TXNL1: variants seen among roughly 807,000 people sequenced by gnomAD.
TXNL1 encodes thioredoxin-like protein 1.
In TXNL1, 14 loss-of-function variants were observed where a neutral mutation model predicts 35.5. The observed-to-expected ratio is 0.39, with a 90% CI of 0.26 to 0.62. The LOEUF is 0.62. Among genes scored for constraint, TXNL1 ranks in the 20% least tolerant of loss-of-function variants. The pLI, the probability that TXNL1 is intolerant of heterozygous loss-of-function variation, is 0.47. For missense variants in TXNL1, 263 were observed against 349.7 expected, an observed-to-expected ratio of 0.75 and a Z score of 1.98; for synonymous variants, 110 against 115.5, an observed-to-expected ratio of 0.95 and a Z score of 0.31.
rs530331762 is a variant in TXNL1, at chr18:56,600,068, T to C, written c.*2959A>G. On this transcript the variant is annotated 3_prime_UTR_variant, in exon 8 of 8. Coordinates refer to ENST00000217515, the MANE Select transcript of TXNL1 (RefSeq NM_004786.3). ...AATTTATTCAACTCCAACACTTTATTCTTATTACAGAATCAAAGCTTTTAG... is the reference window on the plus strand; with the variant it reads ...AATTTATTCAACTCCAACACTTTATCCTTATTACAGAATCAAAGCTTTTAG... 1 of 152,332 alleles carries C rather than the reference T, an allele frequency of 6.6e-6. No homozygotes were observed. The highest frequency in any genetic ancestry group is 2.4e-5 in the African/African-American group (1 of 41,582). The allele number at this position is 152,332 out of a possible 1,614,324, so 9.4% of individuals were successfully genotyped here.
Position 56,600,115 on chromosome 18 carries a change from G to T in TXNL1, c.*2912C>A, listed in dbSNP as rs548870526. The T allele has an allele frequency of 6.6e-6, 1 of 152,154 alleles. No homozygotes were observed. Among genetic ancestry groups the T allele is most frequent in the African/African-American group, 2.4e-5 (1 of 41,438 alleles). 9.4% of individuals were successfully genotyped at this position (152,154 alleles called of 1,614,324 possible). A position where few individuals can be genotyped will look rare whatever the true frequency, so the allele number is the denominator to read the frequency against. ...TTAGACATTAAGAGGAACAAGGGAG[G>T]ATCTGAACTATTTTAGGTTTAAAAG... On this transcript the variant is annotated 3_prime_UTR_variant, in exon 8 of 8. Transcript: ENST00000217515.
rs1598928710 is a variant in TXNL1, at chr18:56,638,550, A to G, written c.-110T>C. ...TGCTCAGGAAGGCCGAGGCCTGGAC[A>G]GAAGAGGTGGCGACCGCCGAGTCTT... On this transcript the variant is annotated 5_prime_UTR_variant, in exon 1 of 8. Transcript: ENST00000217515. The G allele has an allele frequency of 1.7e-6, 2 of 1,152,030 alleles. No homozygotes were observed. The highest frequency in any genetic ancestry group is 2.4e-6 in the Non-Finnish European group (2 of 837,452). The allele number at this position is 1,152,030 out of a possible 1,614,324, so 71.4% of individuals were successfully genotyped here.
intron 5 of TXNL1, among the ~76,000 whole-genome samples, chr18:56,615,741 A>C (rs1470987523): frequency 2.0e-5 from 3 of 152,244 alleles, no homozygotes; most frequent in Non-Finnish European, 4.4e-5. Flanking sequence ...ACAAATTTTA[A>C]AATGAAAAAG....
intron 1 of TXNL1, among the ~76,000 whole-genome samples, chr18:56,627,867 A>G (rs2024310883): frequency 6.6e-6 from 1 of 152,140 alleles, no homozygotes; most frequent in Non-Finnish European, 1.5e-5. Context: ...TAAAAAAAAA[A>G]AAAGGTTTGA....
At chr18:56,627,056 T>C (rs1021009327) in intron 1 of TXNL1, among the ~76,000 whole-genome samples, 42 of 150,896 alleles carry the variant, frequency 2.8e-4, no homozygotes, top group African/African-American at 1.0e-3. Flanking sequence ...CAAGTGATCC[T>C]CCTGCCTTGG....
At chr18:56,632,215 A>C (rs780894306) in intron 1 of TXNL1, among the ~76,000 whole-genome samples, 50 of 152,216 alleles carry the variant, frequency 3.3e-4, no homozygotes, top group Non-Finnish European at 5.9e-4. Context: ...TAAGTGTCTT[A>C]TCTTGAGCAA....
chr18:56,623,908 C>T (rs1385422792), intron 3 of TXNL1, among the ~76,000 whole-genome samples: 2 of 150,806 alleles, frequency 1.3e-5, no homozygotes, highest in Non-Finnish European at 2.9e-5. Flanking sequence ...TAACTAAAAC[C>T]TGTAAGTCAT....
chr18:56,618,433 C>A (rs538818879), intron 3 of TXNL1, among the ~76,000 whole-genome samples: 23 of 152,090 alleles, frequency 1.5e-4, no homozygotes, highest in African/African-American at 4.8e-4. Context: ...TTAAAATATC[C>A]GTAAGATCCA....
In TXNL1 at chr18:56,610,167, G is replaced by A. The variant is rs1224082170; in HGVS notation, c.840+826C>T. 2.0e-5 allele frequency: 3 copies of A among 152,326 alleles called. No homozygotes were observed. The East Asian group carries it at 5.8e-4, about 29-fold the overall frequency. The allele number at this position is 152,326 out of a possible 1,614,324, so 9.4% of individuals were successfully genotyped here. On this transcript the variant is annotated intron_variant, in intron 7 of 7. Coordinates refer to ENST00000217515, the MANE Select transcript of TXNL1 (RefSeq NM_004786.3). ...TCCTCAAGTTCTAGACTGCCTGCCA[G>A]ATGCAATCATTAGAGACAGTGGGAT...
chr18:56,625,348 T>C (rs1415929787), intron 2 of TXNL1, among the ~76,000 whole-genome samples: 3 of 152,146 alleles, frequency 2.0e-5, no homozygotes, highest in Non-Finnish European at 4.4e-5. Context: ...TCAAGTTTAA[T>C]ATTACAGGAA....
At chr18:56,613,839 A>C (rs183576157) in intron 6 of TXNL1, among the ~76,000 whole-genome samples, 118 of 152,156 alleles carry the variant, frequency 7.8e-4, no homozygotes, top group Admixed American at 9.8e-4. Context: ...GATATACCTT[A>C]GGTCATCTTA....
chr18:56,621,817 T>G (rs929218658), intron 3 of TXNL1, among the ~76,000 whole-genome samples: 1 of 151,788 alleles, frequency 6.6e-6, no homozygotes, highest in African/African-American at 2.4e-5. Context: ...CTGGCCAACA[T>G]GGTGAAACCC....
At chr18:56,612,064 AC>A (rs2144292074) in intron 6 of TXNL1, among the ~76,000 whole-genome samples, 2 of 133,182 alleles carry the variant, frequency 1.5e-5, no homozygotes, top group South Asian at 4.7e-4. Flanking sequence ...ACAGGGTTTC[AC>A]TGTGTTGCCC....
At chr18:56,635,015 A>C (rs536934751) in intron 1 of TXNL1, among the ~76,000 whole-genome samples, 1 of 152,172 alleles carries the variant, frequency 6.6e-6, no homozygotes, top group African/African-American at 2.4e-5. Context: ...TAACCCCAGC[A>C]ATTTGGGATG....
chr18:56,614,662 T>C (rs2024054781), intron 5 of TXNL1, 66 bp from the exon 6 acceptor site: 1 of 1,283,520 alleles, frequency 7.8e-7, no homozygotes, highest in Non-Finnish European at 1.1e-6. Flanking sequence ...CCTTTACCAC[T>C]ACACTCACAC....
chr18:56,624,535 G>C, intron 2 of TXNL1, 74 bp from the exon 3 acceptor site: 1 of 1,467,040 alleles, frequency 6.8e-7, no homozygotes, highest in Non-Finnish European at 9.2e-7. Flanking sequence ...ACACCTTTAT[G>C]GAAGTTAAAT....
chr18:56,625,119 G>A (rs1379465277), intron 2 of TXNL1, among the ~76,000 whole-genome samples: 3 of 151,768 alleles, frequency 2.0e-5, no homozygotes, highest in African/African-American at 7.3e-5. Context: ...AGCAAATATG[G>A]CACCTTATAT....
At chr18:56,633,031 T>C (rs955204377) in intron 1 of TXNL1, among the ~76,000 whole-genome samples, 2 of 152,170 alleles carry the variant, frequency 1.3e-5, no homozygotes, top group Admixed American at 1.3e-4. Flanking sequence ...AACATCCTAA[T>C]ATACACTGAC....
intron 1 of TXNL1, among the ~76,000 whole-genome samples, chr18:56,631,527 C>T (rs1377185635): frequency 1.3e-5 from 2 of 152,052 alleles, no homozygotes; most frequent in East Asian, 3.9e-4. Flanking sequence ...AACTTATCTG[C>T]TTAGTCCAAT....
Sources: allele counts gnomAD v4.1 joint callset (sites outside exome capture counted in the v4.1 genomes callset), GRCh38; gene constraint gnomAD v4.1.1; transcripts MANE v1.5; gene names NCBI Gene and HGNC (gene_info 2026-07-23, HGNC 2026-07-21).